Variants in ANO3 observed in about 807,000 individuals in gnomAD.
The protein encoded by ANO3 is anoctamin 3.
ANO3 carries 99 observed loss-of-function variants against 144.8 expected under a neutral mutation model. The observed-to-expected ratio is 0.68, with a 90% CI of 0.58 to 0.81. The LOEUF (loss-of-function observed/expected upper bound fraction) is 0.81, where lower values mean the gene tolerates loss of function less well. Ranked by LOEUF, ANO3 falls within the 30% of genes least tolerant of loss-of-function variation. The pLI, the probability that ANO3 is intolerant of heterozygous loss-of-function variation, is 0.00. For missense variants in ANO3, 905 were observed against 1,202.2 expected (o/e 0.75, Z 3.66); for synonymous variants, 414 against 392.6 (o/e 1.05, Z -0.64).
chr11:26,462,938 T>C, intron 3 of ANO3, 92 bp from the exon 4 acceptor site: 1 of 568,696 alleles, frequency 1.8e-6, no homozygotes, highest in East Asian at 3.2e-5. Flanking sequence ...GGCTAAACTC[T>C]GGGAAAACAT....
At chr11:26,244,505 T>G (rs1291591060) in intron 1 of ANO3, among the ~76,000 whole-genome samples, 1 of 152,158 alleles carries the variant, frequency 6.6e-6, no homozygotes, top group African/African-American at 2.4e-5. Context: ...CCACCAGTCC[T>G]GTACATAGCA....
chr11:26,627,240 G>A (rs911121389), intron 18 of ANO3, among the ~76,000 whole-genome samples: 9 of 151,824 alleles, frequency 5.9e-5, no homozygotes, highest in South Asian at 4.2e-4. Flanking sequence ...TTGGATTGCC[G>A]CATCATGACT....
chr11:26,622,961 C>G (rs1393205586), intron 17 of ANO3, among the ~76,000 whole-genome samples: 2 of 152,120 alleles, frequency 1.3e-5, no homozygotes, highest in African/African-American at 4.8e-5. Context: ...TGAATCTATC[C>G]TATTGTACTC....
At chr11:26,598,166 A>AC (rs1418362523) in intron 14 of ANO3, among the ~76,000 whole-genome samples, 199 bp from the exon 15 acceptor site, 1 of 152,164 alleles carries the variant, frequency 6.6e-6, no homozygotes, top group African/African-American at 2.4e-5. Flanking sequence ...AAGAAATCAC[A>AC]CCCCTCTAGC....
intron 1 of ANO3, among the ~76,000 whole-genome samples, chr11:26,326,458 A>T (rs1854884880): frequency 6.6e-6 from 1 of 152,072 alleles, no homozygotes. Context: ...AAGGATCAAT[A>T]TTTTTTGCAG....
intron 17 of ANO3, among the ~76,000 whole-genome samples, chr11:26,600,276 C>T: frequency 9.6e-6 from 1 of 104,030 alleles, no homozygotes. Context: ...CTCCTCTCCC[C>T]TCCCCTTCCC....
chr11:26,446,530 A>G (rs1469583070), intron 3 of ANO3, among the ~76,000 whole-genome samples: 3 of 152,252 alleles, frequency 2.0e-5, no homozygotes, highest in Non-Finnish European at 2.9e-5. Flanking sequence ...AGGAAAAAAT[A>G]TTAATGGCTT....
At chr11:26,451,661 C>T (rs1565032798) in intron 3 of ANO3, among the ~76,000 whole-genome samples, 1 of 152,168 alleles carries the variant, frequency 6.6e-6, no homozygotes, top group African/African-American at 2.4e-5. Context: ...GGGCAGGGCA[C>T]AGACAAACAA....
intron 6 of ANO3, among the ~76,000 whole-genome samples, chr11:26,524,111 ATCAGTGAAGAGGTATG>A (rs1364752829): frequency 3.9e-5 from 6 of 152,232 alleles, no homozygotes; most frequent in Non-Finnish European, 8.8e-5. Context: ...TTCATTGACC[ATCAGTGAAGAGGTATG>A]TTACATCAGG....
At chr11:26,426,499 A>G (rs1356582059) in intron 1 of ANO3, among the ~76,000 whole-genome samples, 2 of 152,182 alleles carry the variant, frequency 1.3e-5, no homozygotes, top group African/African-American at 2.4e-5. Flanking sequence ...TTGAAAAAAA[A>G]AGCACATATA....
chr11:26,283,469 C>T (rs900626600), intron 1 of ANO3, among the ~76,000 whole-genome samples: 46 of 150,702 alleles, frequency 3.1e-4, no homozygotes, highest in African/African-American at 1.1e-3. Flanking sequence ...CCTGAGAAGA[C>T]AAACCACACT....
intron 8 of ANO3, among the ~76,000 whole-genome samples, chr11:26,531,931 G>A (rs1849381881): frequency 1.3e-5 from 2 of 152,104 alleles, no homozygotes; most frequent in African/African-American, 4.8e-5. Context: ...AGGAACTTAT[G>A]ACACAGTTTC....
intron 1 of ANO3, among the ~76,000 whole-genome samples, chr11:26,210,524 T>C (rs1851909886): frequency 6.6e-6 from 1 of 152,188 alleles, no homozygotes; most frequent in Non-Finnish European, 1.5e-5. Context: ...GTGAAGAAAG[T>C]GAATGGCAGC....
intron 14 of ANO3, among the ~76,000 whole-genome samples, chr11:26,593,583 C>A (rs1038236831): frequency 2.0e-5 from 3 of 152,176 alleles, no homozygotes; most frequent in Admixed American, 6.5e-5. Context: ...TTGCCCTGGG[C>A]ACCCTCAGTC....
chr11:26,442,108 G>A lies in ANO3; in HGVS notation c.237G>A (p.Glu79=), dbSNP rs1471692315. The change falls in exon 2 of 27, where the codon GAG becomes GAA. Residue 79 remains glutamate, a synonymous_variant. Coordinates refer to ENST00000256737, the MANE Select transcript of ANO3 (RefSeq NM_031418.4). The part of the protein sequence containing the change: ...SITLISTDKA[E]QVNTEENKND... The stretch of plus-strand genomic sequence containing the variant: ...CCTTAATCTCCACTGACAAAGCAGA[G>A]CAAGGTGAGCAGCAATTCCTATTTT... 6.2e-7 allele frequency: 1 copy of A among 1,609,640 alleles called. No homozygotes were observed. Among genetic ancestry groups the A allele is most frequent in the East Asian group, 2.2e-5 (1 of 44,874 alleles).
chr11:26,565,437 G>A (rs1285068320), intron 14 of ANO3: 30 of 1,613,332 alleles, frequency 1.9e-5, no homozygotes, highest in African/African-American at 2.7e-5. Context: ...CAGAGCAGGT[G>A]TAGCATTGGG....
At chr11:26,244,015 G>A (rs1852724340) in intron 1 of ANO3, among the ~76,000 whole-genome samples, 1 of 151,434 alleles carries the variant, frequency 6.6e-6, no homozygotes, top group Admixed American at 6.6e-5. Flanking sequence ...TACTCAACAG[G>A]CTGAGGCAGG....
At chr11:26,507,111 G>A (rs181390238) in intron 4 of ANO3, among the ~76,000 whole-genome samples, 1 of 152,278 alleles carries the variant, frequency 6.6e-6, no homozygotes, top group African/African-American at 2.4e-5. Context: ...AAGAAATTGG[G>A]TTCAAGTCCT....
At chr11:26,223,308 A>G (rs1003452502) in intron 1 of ANO3, among the ~76,000 whole-genome samples, 3 of 152,154 alleles carry the variant, frequency 2.0e-5, no homozygotes, top group Non-Finnish European at 4.4e-5. Flanking sequence ...AAGACATAAC[A>G]TAGGTGATCT....
Sources: allele counts gnomAD v4.1 joint callset (sites outside exome capture counted in the v4.1 genomes callset), GRCh38; gene constraint gnomAD v4.1.1; transcripts MANE v1.5; gene names NCBI Gene and HGNC (gene_info 2026-07-23, HGNC 2026-07-21).